SLX4IP: variants seen among roughly 807,000 people sequenced by gnomAD.
The protein encoded by SLX4IP is SLX4 interacting protein.
SLX4IP carries 34 observed loss-of-function variants against 32.9 expected under a neutral mutation model. The ratio of observed to expected loss-of-function variants is 1.03; its 90% CI spans 0.79 to 1.38. The LOEUF (loss-of-function observed/expected upper bound fraction) is 1.38, where lower values mean the gene tolerates loss of function less well. Among genes scored for constraint, SLX4IP ranks in the 40% most tolerant of loss-of-function variants. The probability of loss-of-function intolerance (pLI) is 0.00; values close to 1 mark genes in which losing one functional copy is unlikely to be tolerated. For synonymous variants in SLX4IP, 172 were observed against 171.7 expected (o/e 1.00, Z -0.01); for missense variants, 444 against 479.0 (o/e 0.93, Z 0.68).
chr20:10,480,209 A>T (rs1568701152), intron 2 of SLX4IP, among the ~76,000 whole-genome samples: 1 of 152,176 alleles, frequency 6.6e-6, no homozygotes, highest in East Asian at 1.9e-4. Flanking sequence ...CCTGGGCAAC[A>T]CGGTGAAATC....
chr20:10,621,248 G>A (rs1715981840), intron 6 of SLX4IP, 66 bp from the exon 7 acceptor site: 1 of 1,386,392 alleles, frequency 7.2e-7, no homozygotes, highest in Admixed American at 1.7e-5. Context: ...CATTCAGAGT[G>A]TAACTGTTTT....
chr20:10,553,826 A>G (rs1183192220), intron 2 of SLX4IP, among the ~76,000 whole-genome samples: 1 of 152,222 alleles, frequency 6.6e-6, no homozygotes, highest in African/African-American at 2.4e-5. Context: ...ACTGTAACAC[A>G]CTAAAGTGCA....
At chr20:10,519,930 GTTGTGGTT>G (rs2065888295) in intron 2 of SLX4IP, among the ~76,000 whole-genome samples, 1 of 152,184 alleles carries the variant, frequency 6.6e-6, no homozygotes, top group African/African-American at 2.4e-5. Flanking sequence ...TTGTGTCTCA[GTTGTGGTT>G]TTAATTTGCA....
At chr20:10,567,618 AAGAC>A (rs2066412206) in intron 4 of SLX4IP, among the ~76,000 whole-genome samples, 2 of 152,216 alleles carry the variant, frequency 1.3e-5, no homozygotes, top group East Asian at 1.9e-4. Context: ...ACAATAGACT[AAGAC>A]AGGGCTCTTT....
chr20:10,477,033 A>G (rs1418763757), intron 2 of SLX4IP, among the ~76,000 whole-genome samples: 1 of 152,200 alleles, frequency 6.6e-6, no homozygotes, highest in African/African-American at 2.4e-5. Context: ...AAGAAATATT[A>G]TTCGAAGTTT....
intron 4 of SLX4IP, 96 bp downstream of exon 4, chr20:10,560,916 A>G (rs946815292): frequency 4.2e-6 from 5 of 1,176,948 alleles, no homozygotes; most frequent in Middle Eastern, 2.1e-4. Context: ...TCATGTTAGT[A>G]TAGTGATACA....
chr20:10,608,423 T>C (rs898717103), intron 6 of SLX4IP, among the ~76,000 whole-genome samples: 1 of 151,946 alleles, frequency 6.6e-6, no homozygotes, highest in Admixed American at 6.5e-5. Flanking sequence ...CCCAGCACTT[T>C]GGGAGGCCGA....
chr20:10,516,256 C>T (rs1263840637), intron 2 of SLX4IP, among the ~76,000 whole-genome samples: 1 of 152,152 alleles, frequency 6.6e-6, no homozygotes, highest in Non-Finnish European at 1.5e-5. Flanking sequence ...TGGGTAGGTA[C>T]ACACATACAC....
chr20:10,547,832 G>A (rs981604218), intron 2 of SLX4IP, among the ~76,000 whole-genome samples: 5 of 152,150 alleles, frequency 3.3e-5, no homozygotes, highest in East Asian at 1.9e-4. Context: ...GACCATCTGT[G>A]TGCCAGACCC....
At chr20:10,524,223 T>A (rs1020308035) in intron 2 of SLX4IP, among the ~76,000 whole-genome samples, 6 of 152,192 alleles carry the variant, frequency 3.9e-5, no homozygotes, top group African/African-American at 1.4e-4. Context: ...GATTACACAG[T>A]TACAGGGATG....
chr20:10,565,984 G>A (rs1298996557), intron 4 of SLX4IP, among the ~76,000 whole-genome samples: 2 of 152,102 alleles, frequency 1.3e-5, no homozygotes, highest in Non-Finnish European at 2.9e-5. Context: ...AAATAGTAGG[G>A]AAACAGCCAA....
intron 2 of SLX4IP, among the ~76,000 whole-genome samples, chr20:10,496,349 T>C (rs909975329): frequency 6.6e-6 from 1 of 152,202 alleles, no homozygotes; most frequent in African/African-American, 2.4e-5. Flanking sequence ...TGTCTTCTGC[T>C]TAATTCATCA....
intron 2 of SLX4IP, among the ~76,000 whole-genome samples, chr20:10,520,661 T>C (rs1427706493): frequency 6.6e-6 from 1 of 152,222 alleles, no homozygotes; most frequent in Non-Finnish European, 1.5e-5. Context: ...AATTTAGGTC[T>C]GTGATTCATT....
chr20:10,518,465 T>TCCC (rs1568720164), intron 2 of SLX4IP, among the ~76,000 whole-genome samples: 819 of 45,598 alleles, frequency 0.018, 42 homozygotes, highest in Non-Finnish European at 0.033. Flanking sequence ...CTTCCTTCCT[T>TCCC]TCCTTTCTTT....
intron 2 of SLX4IP, among the ~76,000 whole-genome samples, chr20:10,548,756 GT>G (rs1987963234): frequency 6.6e-6 from 1 of 152,330 alleles, no homozygotes; most frequent in Admixed American, 6.5e-5. Context: ...AGGGGTAATA[GT>G]TTCTGCTTTG....
intron 1 of SLX4IP, among the ~76,000 whole-genome samples, chr20:10,441,438 AAAC>A (rs1013248916): frequency 1.6e-4 from 25 of 152,216 alleles, no homozygotes; most frequent in African/African-American, 4.8e-4. Flanking sequence ...CCCTGTCTCT[AAAC>A]AACAACAACA....
chr20:10,544,615 G>A (rs1205710053), intron 2 of SLX4IP, among the ~76,000 whole-genome samples: 1 of 152,134 alleles, frequency 6.6e-6, no homozygotes, highest in Non-Finnish European at 1.5e-5. Flanking sequence ...TCGAACTCCT[G>A]GACTCAAGCA....
chr20:10,497,959 C>T (rs1466788895), intron 2 of SLX4IP, among the ~76,000 whole-genome samples: 2 of 151,920 alleles, frequency 1.3e-5, no homozygotes, highest in East Asian at 3.8e-4. Context: ...TCTACTCCTT[C>T]ACCATGGAGT....
At chr20:10,514,141 A>G (rs2065831895) in intron 2 of SLX4IP, among the ~76,000 whole-genome samples, 1 of 152,210 alleles carries the variant, frequency 6.6e-6, no homozygotes. Context: ...AGTGCAAAGA[A>G]GGGTGCCTCT....
Sources: allele counts gnomAD v4.1 joint callset (sites outside exome capture counted in the v4.1 genomes callset), GRCh38; gene constraint gnomAD v4.1.1; transcripts MANE v1.5; gene names NCBI Gene and HGNC (gene_info 2026-07-23, HGNC 2026-07-21).